The following TENM3 variants were observed in gnomAD, a reference collection of about 807,000 sequenced individuals.
The protein encoded by TENM3 is teneurin transmembrane protein 3.
In TENM3, 63 loss-of-function variants were observed where a neutral mutation model predicts 255.1. The ratio of observed to expected loss-of-function variants is 0.25; its 90% CI spans 0.20 to 0.30. The LOEUF (loss-of-function observed/expected upper bound fraction) is 0.30, where lower values mean the gene tolerates loss of function less well. Among genes scored for constraint, TENM3 ranks in the 10% least tolerant of loss-of-function variants. The pLI, the probability that TENM3 is intolerant of heterozygous loss-of-function variation, is 1.00. For synonymous variants in TENM3, 1,306 were observed against 1,322.3 expected (o/e 0.99, Z 0.27); for missense variants, 2,929 against 3,461.1 (o/e 0.85, Z 3.86).
rs60498319 is a variant in TENM3 at position 182,349,572 on chromosome 4, C to T, written c.511+2643C>T. Among the ~76,000 whole-genome samples the T allele has an allele frequency of 9.4e-3, 1,430 of 152,188 alleles. 29 individuals are homozygous for T. The highest frequency in any genetic ancestry group is 0.033 in the African/African-American group (1,380 of 41,518). ...AAAAATTATGTGTCTTTCCCTTAAGCTGGGTTATAGTAAGAAGTGAAATTT... is the reference window on the plus strand; with the variant it reads ...AAAAATTATGTGTCTTTCCCTTAAGTTGGGTTATAGTAAGAAGTGAAATTT... On this transcript the variant is annotated intron_variant, in intron 3 of 27. Transcript: ENST00000511685.
chr4:181,902,006 G>A, the TENM3 span, among the ~76,000 whole-genome samples: 2 of 152,082 alleles, frequency 1.3e-5, no homozygotes, highest in East Asian at 1.9e-4. Flanking sequence ...ACTGGATAGT[G>A]TTAATCGAAT....
chr4:182,648,833 G>A (rs1372102431), intron 5 of TENM3, among the ~76,000 whole-genome samples: 1 of 151,548 alleles, frequency 6.6e-6, no homozygotes, highest in Admixed American at 6.6e-5. Context: ...TCCCTTTTTT[G>A]TGTGTGACTG....
chr4:181,468,207 G>A, the TENM3 span, among the ~76,000 whole-genome samples: 387 of 152,088 alleles, frequency 2.5e-3, 2 homozygotes, highest in African/African-American at 9.2e-3. Context: ...CTGGGAGGCA[G>A]AGGTTGTAGT....
chr4:182,065,279 C>A, the TENM3 span, among the ~76,000 whole-genome samples: 2 of 152,158 alleles, frequency 1.3e-5, no homozygotes, highest in African/African-American at 4.8e-5. Flanking sequence ...AAGTGATCTG[C>A]CCACCTCGGC....
chr4:182,562,113 G>A (rs1447449925), intron 3 of TENM3, among the ~76,000 whole-genome samples: 1 of 152,032 alleles, frequency 6.6e-6, no homozygotes, highest in Non-Finnish European at 1.5e-5. Context: ...TATAAAGATA[G>A]ATTGCATTTT....
At chr4:181,859,141 A>T in the TENM3 span, among the ~76,000 whole-genome samples, 1 of 148,836 alleles carries the variant, frequency 6.7e-6, no homozygotes, top group Non-Finnish European at 1.5e-5. Flanking sequence ...ACTAAAGGAG[A>T]CTGAGGCAGG....
rs145763399 is a variant in TENM3, at chr4:182,197,498, C to T, written c.-76+52744C>T. On this transcript the variant is annotated intron_variant, in intron 1 of 2. Coordinates refer to the TENM3 transcript ENST00000512480. ...GAGGATAAAAAAAGTTTCCAAACCA[C>T]TGCTTTAATTACTTAATAAATACTC... is the stretch of plus-strand genomic sequence containing the variant. Among the ~76,000 whole-genome samples the T allele has an allele frequency of 4.9e-4, 74 of 152,214 alleles. No individual in the cohort carries two copies. In the East Asian group the frequency reaches 0.014, roughly 29 times the overall value.
the TENM3 span, among the ~76,000 whole-genome samples, chr4:181,832,727 A>G: frequency 6.6e-6 from 1 of 152,202 alleles, no homozygotes; most frequent in Non-Finnish European, 1.5e-5. Context: ...GTCACTCGCT[A>G]TTGGGATGGA....
intron 3 of TENM3, among the ~76,000 whole-genome samples, chr4:182,575,905 T>TTCACCTAGAAA (rs1744866339): frequency 6.6e-6 from 1 of 152,170 alleles, no homozygotes; most frequent in Non-Finnish European, 1.5e-5. Flanking sequence ...AAATAGCAAT[T>TTCACCTAGAAA]TCTGCACATT....
the TENM3 span, among the ~76,000 whole-genome samples, chr4:182,047,852 G>A: frequency 1.9e-4 from 29 of 151,944 alleles, no homozygotes; most frequent in African/African-American, 2.9e-4. Flanking sequence ...CAATTATGAC[G>A]TTATTTATGA....
the TENM3 span, among the ~76,000 whole-genome samples, chr4:181,476,852 G>A: frequency 1.4e-4 from 22 of 152,246 alleles, no homozygotes; most frequent in African/African-American, 5.3e-4. Flanking sequence ...TTGTGCAGAA[G>A]GACAGTCTCT....
chr4:181,822,958 G>A, the TENM3 span, among the ~76,000 whole-genome samples: 164 of 152,160 alleles, frequency 1.1e-3, 2 homozygotes, highest in African/African-American at 3.6e-3. Context: ...ACATACAATC[G>A]TATGTGGCAA....
intron 3 of TENM3, among the ~76,000 whole-genome samples, chr4:182,564,518 A>T (rs1743562528): frequency 6.8e-6 from 1 of 148,050 alleles, no homozygotes. Context: ...TCTTCACCAC[A>T]CCGAACATTC....
chr4:182,414,770 A>G (rs1770245712), intron 3 of TENM3, among the ~76,000 whole-genome samples: 1 of 152,240 alleles, frequency 6.6e-6, no homozygotes, highest in South Asian at 2.1e-4. Context: ...TTTGCTGTTT[A>G]AATAATATAT....
At chr4:182,407,312 A>G (rs1769650057) in intron 3 of TENM3, among the ~76,000 whole-genome samples, 1 of 152,260 alleles carries the variant, frequency 6.6e-6, no homozygotes, top group African/African-American at 2.4e-5. Flanking sequence ...GAATTTTAAT[A>G]AGACGTATAT....
chr4:181,484,598 T>C, the TENM3 span, among the ~76,000 whole-genome samples: 1 of 152,192 alleles, frequency 6.6e-6, no homozygotes, highest in Non-Finnish European at 1.5e-5. Flanking sequence ...GGCCTATTGA[T>C]TTAATGAAAA....
the TENM3 span, among the ~76,000 whole-genome samples, chr4:181,448,220 G>A: frequency 7.5e-6 from 1 of 133,956 alleles, no homozygotes; most frequent in East Asian, 2.3e-4. Context: ...AGGCTGGAGT[G>A]CAGTGGCGCG....
At chr4:181,926,523 A>C in the TENM3 span, among the ~76,000 whole-genome samples, 1 of 152,148 alleles carries the variant, frequency 6.6e-6, no homozygotes, top group Non-Finnish European at 1.5e-5. Context: ...AAGTTTGTCT[A>C]AGACCAACCA....
At chr4:181,922,086 AC>A in the TENM3 span, among the ~76,000 whole-genome samples, 2 of 152,146 alleles carry the variant, frequency 1.3e-5, no homozygotes, top group Admixed American at 1.3e-4. Context: ...GATGAAGCCC[AC>A]TTGATCATGG....
Sources: gnomAD v4.1 joint callset for allele counts (sites outside exome capture counted in the v4.1 genomes callset) on GRCh38, gnomAD v4.1.1 for gene constraint, MANE v1.5 for transcripts, NCBI Gene and HGNC (gene_info 2026-07-23, HGNC 2026-07-21) for gene names.